SNTB1: variants seen among roughly 807,000 people sequenced by gnomAD.
SNTB1 encodes the protein beta-1-syntrophin.
SNTB1 carries 36 observed loss-of-function variants against 48.9 expected under a neutral mutation model. The observed-to-expected ratio is 0.74, with a 90% CI of 0.56 to 0.97. The LOEUF (loss-of-function observed/expected upper bound fraction) is 0.97, where lower values mean the gene tolerates loss of function less well. SNTB1 is among the 50% of genes least tolerant of loss of function. The pLI is 0.00. For synonymous variants in SNTB1, 299 were observed against 294.6 expected, an observed-to-expected ratio of 1.01 and a Z score of -0.15; for missense variants, 786 against 703.4, an observed-to-expected ratio of 1.12 and a Z score of -1.33.
intron 1 of SNTB1, among the ~76,000 whole-genome samples, chr8:120,793,489 G>A (rs1313815444): frequency 6.6e-6 from 1 of 152,020 alleles, no homozygotes; most frequent in African/African-American, 2.4e-5. Context: ...GTAAGAGAGA[G>A]GACACAGGCT....
At chr8:120,652,081 A>G (rs1362700080) in intron 2 of SNTB1, among the ~76,000 whole-genome samples, 1 of 152,214 alleles carries the variant, frequency 6.6e-6, no homozygotes, top group Non-Finnish European at 1.5e-5. Flanking sequence ...CATGTATTCA[A>G]TGCATTTAAA....
chr8:120,642,287 A>G (rs911658977), intron 2 of SNTB1, among the ~76,000 whole-genome samples: 3 of 152,236 alleles, frequency 2.0e-5, no homozygotes, highest in Admixed American at 6.5e-5. Context: ...ATCATCAAAA[A>G]GAACAGCAAG....
At chr8:120,683,072 G>A (rs1170737917) in intron 2 of SNTB1, among the ~76,000 whole-genome samples, 1 of 151,836 alleles carries the variant, frequency 6.6e-6, no homozygotes, top group African/African-American at 2.4e-5. Flanking sequence ...TAGTAGAGAC[G>A]GGGTTTCACT....
rs764634717 is a variant in SNTB1, at chr8:120,541,967, G to A, written c.1367C>T (p.Thr456Ile). Reference sequence around the variant, plus strand: ...AGAAAATCCATTCTCATAATGTATGGTCAAACGGCACTCCTGGTTTTTGTA... The same window carrying A: ...AGAAAATCCATTCTCATAATGTATGATCAAACGGCACTCCTGGTTTTTGTA... ...CTYKNQECRL[T>I]IHYENGFSIT... The change falls in exon 6 of 7, where the codon ACC becomes ATC. Residue 456 changes from threonine (T) to isoleucine (I), a missense_variant. Thr to Ile is a moderately conservative substitution (Grantham distance 89, BLOSUM62 -1). Transcript: ENST00000517992. The A allele has an allele frequency of 6.2e-6, 10 of 1,613,654 alleles. No homozygotes were observed. In the Admixed American group the frequency reaches 1.0e-4, roughly 16 times the overall value.
intron 1 of SNTB1, chr8:120,769,572 A>C (rs1161326586): frequency 1.3e-5 from 2 of 152,380 alleles, no homozygotes; most frequent in East Asian, 3.9e-4. Flanking sequence ...CTATGTAAGA[A>C]GTCTCACTAT....
chr8:120,714,032 T>C (rs960842876), intron 1 of SNTB1, among the ~76,000 whole-genome samples: 4 of 151,748 alleles, frequency 2.6e-5, no homozygotes, highest in Non-Finnish European at 1.5e-5. Context: ...GAGTAAGGGG[T>C]TCATTAATTA....
intron 2 of SNTB1, among the ~76,000 whole-genome samples, chr8:120,688,297 A>C (rs1441895007): frequency 2.6e-5 from 4 of 152,204 alleles, no homozygotes. Flanking sequence ...GGTTTCTTTA[A>C]GCTTCCTATG....
At chr8:120,704,922 A>G (rs1400220104) in intron 1 of SNTB1, among the ~76,000 whole-genome samples, 1 of 152,270 alleles carries the variant, frequency 6.6e-6, no homozygotes, top group Non-Finnish European at 1.5e-5. Context: ...ATAAGAATAC[A>G]GATTCTAGGG....
chr8:120,599,545 T>C (rs912962613), intron 3 of SNTB1, among the ~76,000 whole-genome samples: 1 of 152,232 alleles, frequency 6.6e-6, no homozygotes, highest in African/African-American at 2.4e-5. Context: ...TAAATAAAGA[T>C]ATACACGATC....
At chr8:120,586,450 G>A (rs961641689) in intron 3 of SNTB1, among the ~76,000 whole-genome samples, 4 of 152,032 alleles carry the variant, frequency 2.6e-5, no homozygotes, top group African/African-American at 7.2e-5. Context: ...CTGCTTCCGG[G>A]TCCCCCACAT....
chr8:120,544,953 G>A (rs1815352648), intron 5 of SNTB1, among the ~76,000 whole-genome samples: 1 of 152,112 alleles, frequency 6.6e-6, no homozygotes, highest in Non-Finnish European at 1.5e-5. Context: ...TGTTGCAATA[G>A]AAGTTCTGCA....
chr8:120,729,136 G>A (rs1818811451), intron 1 of SNTB1, among the ~76,000 whole-genome samples: 1 of 152,030 alleles, frequency 6.6e-6, no homozygotes, highest in Non-Finnish European at 1.5e-5. Flanking sequence ...AAGCCATTAG[G>A]CCCGGCTAAT....
At chr8:120,627,532 G>T (rs895617423) in intron 3 of SNTB1, among the ~76,000 whole-genome samples, 1 of 152,140 alleles carries the variant, frequency 6.6e-6, no homozygotes, top group Non-Finnish European at 1.5e-5. Context: ...TGGAAGAGAA[G>T]GACAGAAAGG....
intron 1 of SNTB1, among the ~76,000 whole-genome samples, chr8:120,712,684 A>G (rs184803210): frequency 6.6e-6 from 1 of 152,260 alleles, no homozygotes; most frequent in African/African-American, 2.4e-5. Flanking sequence ...GCTTTTATTT[A>G]CCCTTTAACC....
Position 120,632,578 on chromosome 8 carries a change from C to T in SNTB1, c.862G>A (p.Ala288Thr). The T allele has an allele frequency of 1.2e-6, 2 of 1,614,114 alleles. No homozygotes were observed. Among genetic ancestry groups the T allele is most frequent in the Admixed American group, 3.3e-5 (2 of 60,016 alleles). Residue 288 changes from alanine (A) to threonine (T), a missense_variant, in exon 3 of 7, where the codon GCA (alanine) becomes ACA (threonine). Transcript: ENST00000517992. ...TTGGAATGGATGGCACTGAACCATG[C>T]CTGGGCCGTGGCTGAGTCCTTGCTC... is the stretch of plus-strand genomic sequence containing the variant. ...LRSKDSATAQ[A>T]WFSAIHSNVN...
chr8:120,761,374 T>G (rs1025035468), intron 1 of SNTB1: 6 of 152,276 alleles, frequency 3.9e-5, no homozygotes, highest in Admixed American at 3.9e-4. Context: ...CAAGAGATGG[T>G]AAGCTGGAAT....
chr8:120,571,116 G>T, intron 4 of SNTB1: 2 of 848,848 alleles, frequency 2.4e-6, no homozygotes. Context: ...TGAAAAAGCA[G>T]TCCCCATTGT....
At chr8:120,666,868 T>C (rs1032203394) in intron 2 of SNTB1, among the ~76,000 whole-genome samples, 7 of 152,190 alleles carry the variant, frequency 4.6e-5, no homozygotes, top group African/African-American at 1.7e-4. Flanking sequence ...CATCCACACA[T>C]TGTAGTTTCA....
intron 4 of SNTB1, among the ~76,000 whole-genome samples, chr8:120,567,100 T>C (rs1361528030): frequency 6.6e-6 from 1 of 152,222 alleles, no homozygotes; most frequent in Non-Finnish European, 1.5e-5. Context: ...GTAAGTAACT[T>C]AACTACTCAG....
Sources: gnomAD v4.1 joint callset for allele counts (sites outside exome capture counted in the v4.1 genomes callset) on GRCh38, gnomAD v4.1.1 for gene constraint, MANE v1.5 for transcripts, NCBI Gene and HGNC (gene_info 2026-07-23, HGNC 2026-07-21) for gene names.